Variants in FSHR observed in about 807,000 individuals in gnomAD.
FSHR encodes follicle stimulating hormone receptor, also known as follicle-stimulating hormone receptor.
A neutral mutation model predicts 52.1 loss-of-function variants in FSHR; 46 were observed. That is an observed-to-expected ratio of 0.88 (90% confidence interval 0.70 to 1.13). The LOEUF is 1.13. Among genes scored for constraint, FSHR ranks in the 50% most tolerant of loss-of-function variants. The pLI is 0.00. For missense variants in FSHR, 964 were observed against 834.6 expected, an observed-to-expected ratio of 1.16 and a Z score of -1.91; for synonymous variants, 399 against 309.6, an observed-to-expected ratio of 1.29 and a Z score of -3.03.
intron 1 of FSHR, among the ~76,000 whole-genome samples, chr2:49,118,067 G>A (rs1671670244): frequency 1.3e-5 from 2 of 152,158 alleles, no homozygotes; most frequent in Admixed American, 6.5e-5. Context: ...AGGTGTAGCC[G>A]ATGGCTCTGA....
At chr2:48,965,160 C>T (rs1258557382) in intron 9 of FSHR, among the ~76,000 whole-genome samples, 1 of 151,996 alleles carries the variant, frequency 6.6e-6, no homozygotes, top group Non-Finnish European at 1.5e-5. Flanking sequence ...AAAAAGGTGG[C>T]TAGGGGAGTG....
At chr2:49,052,728 C>G (rs184962174) in intron 2 of FSHR, among the ~76,000 whole-genome samples, 8 of 152,186 alleles carry the variant, frequency 5.3e-5, no homozygotes, top group African/African-American at 1.7e-4. Flanking sequence ...CTCTCCTTTT[C>G]GCTTTGAGTA....
At chr2:49,006,454 CCTT>C (rs1667079747) in intron 4 of FSHR, among the ~76,000 whole-genome samples, 2 of 152,130 alleles carry the variant, frequency 1.3e-5, no homozygotes, top group Non-Finnish European at 1.5e-5. Context: ...TCAGTACACA[CCTT>C]CTTTTTAGTT....
intron 2 of FSHR, among the ~76,000 whole-genome samples, chr2:49,032,237 T>G (rs1668125732): frequency 6.6e-6 from 1 of 152,196 alleles, no homozygotes; most frequent in Non-Finnish European, 1.5e-5. Flanking sequence ...CACATTGCTT[T>G]TGCCTTTATC....
intron 2 of FSHR, among the ~76,000 whole-genome samples, chr2:49,040,628 C>G (rs923002475): frequency 6.6e-6 from 1 of 151,928 alleles, no homozygotes; most frequent in Non-Finnish European, 1.5e-5. Context: ...ACAGTGCAGG[C>G]AAGGGAATGG....
intron 4 of FSHR, among the ~76,000 whole-genome samples, chr2:49,016,598 A>G (rs1667497910): frequency 6.6e-6 from 1 of 152,096 alleles, no homozygotes; most frequent in South Asian, 2.1e-4. Flanking sequence ...TTAACAATAG[A>G]TGTATAAATG....
At chr2:49,053,823 G>A (rs544484612) in intron 2 of FSHR, among the ~76,000 whole-genome samples, 1 of 152,156 alleles carries the variant, frequency 6.6e-6, no homozygotes, top group African/African-American at 2.4e-5. Context: ...TTTAACAAGA[G>A]GATGGGAGTA....
At chr2:49,151,787 T>G (rs576873685) in intron 1 of FSHR, among the ~76,000 whole-genome samples, 33 of 152,158 alleles carry the variant, frequency 2.2e-4, no homozygotes, top group Non-Finnish European at 1.2e-4. Context: ...ATTTCATCCC[T>G]GTTCTGCCAT....
chr2:49,071,487 G>C (rs1231043385), intron 1 of FSHR, among the ~76,000 whole-genome samples: 1 of 152,064 alleles, frequency 6.6e-6, no homozygotes, highest in East Asian at 1.9e-4. Flanking sequence ...AATTAGCTAT[G>C]AATAAACTTC....
chr2:49,061,489 C>A (rs1353338117), intron 2 of FSHR, among the ~76,000 whole-genome samples: 1 of 146,902 alleles, frequency 6.8e-6, no homozygotes, highest in African/African-American at 2.5e-5. Context: ...ATAAAGGGAT[C>A]AATTCAGGAA....
intron 1 of FSHR, among the ~76,000 whole-genome samples, chr2:49,118,473 G>C (rs942610569): frequency 1.8e-4 from 28 of 152,184 alleles, no homozygotes; most frequent in Admixed American, 1.7e-3. Context: ...CCGGAGAGGT[G>C]TCATGTGAAG....
rs117253489 is a variant in FSHR, at chr2:49,042,348, G to A, written c.225-22188C>T. On this transcript the variant is annotated intron_variant, in intron 2 of 9. Transcript: ENST00000406846. Reference sequence around the variant, plus strand: ...CCAAACCAGACTAGATAACAATGGGGGAAGGAGAAGATTTTTGCATGCTAA... The same window carrying A: ...CCAAACCAGACTAGATAACAATGGGAGAAGGAGAAGATTTTTGCATGCTAA... Among the ~76,000 whole-genome samples, 234 of 152,238 alleles carry A rather than the reference G, an allele frequency of 1.5e-3. 5 individuals are homozygous for A. The East Asian group carries it at 0.04, about 26-fold the overall frequency.
intron 1 of FSHR, among the ~76,000 whole-genome samples, chr2:49,125,818 C>T (rs1008442547): frequency 6.6e-6 from 1 of 152,174 alleles, no homozygotes; most frequent in Non-Finnish European, 1.5e-5. Context: ...CACAGTCTTG[C>T]CACTAGCTGT....
intron 1 of FSHR, among the ~76,000 whole-genome samples, chr2:49,074,833 TTTAGCCATAGAATAAAATCC>T (rs1451366120): frequency 6.6e-6 from 1 of 152,146 alleles, no homozygotes; most frequent in African/African-American, 2.4e-5. Flanking sequence ...TGGAATACTA[TTTAGCCATAGAATAAAATCC>T]TTAGCCAAAG....
At chr2:49,136,096 T>TA (rs1176323690) in intron 1 of FSHR, among the ~76,000 whole-genome samples, 1 of 151,540 alleles carries the variant, frequency 6.6e-6, no homozygotes, top group Non-Finnish European at 1.5e-5. Context: ...TTGAAAAGAT[T>TA]AAAAAAAGAA....
rs541907385 is a variant in FSHR at position 48,970,009 on chromosome 2, A to T, written c.669-1126T>A. 2.6e-5 allele frequency among the ~76,000 whole-genome samples: 4 copies of T among 152,226 alleles called. No individual in the cohort carries two copies. In the East Asian group the frequency reaches 7.7e-4, roughly 29 times the overall value. On this transcript the variant is annotated intron_variant, in intron 8 of 9. Transcript: ENST00000406846. ...TGAGTTCATTTTAGCATCCTTGGGG[A>T]CCCTTGGATATACTTGAGTAAGAAG...
chr2:49,073,169 T>G (rs1031939599), intron 1 of FSHR, among the ~76,000 whole-genome samples: 6 of 152,176 alleles, frequency 3.9e-5, no homozygotes, highest in African/African-American at 1.4e-4. Flanking sequence ...TGCCCACTCT[T>G]ACCACTTTTA....
chr2:49,057,649 G>A (rs958330812), intron 2 of FSHR, among the ~76,000 whole-genome samples: 1 of 152,138 alleles, frequency 6.6e-6, no homozygotes, highest in Non-Finnish European at 1.5e-5. Flanking sequence ...GAAAATTGAA[G>A]CAGAAGGAAC....
chr2:48,973,789 A>G (rs1328412108), intron 8 of FSHR, among the ~76,000 whole-genome samples: 1 of 152,230 alleles, frequency 6.6e-6, no homozygotes, highest in African/African-American at 2.4e-5. Flanking sequence ...AAGGAAATAG[A>G]CAGATCACCC....
Sources: gnomAD v4.1 joint callset for allele counts (sites outside exome capture counted in the v4.1 genomes callset) on GRCh38, gnomAD v4.1.1 for gene constraint, MANE v1.5 for transcripts, NCBI Gene and HGNC (gene_info 2026-07-23, HGNC 2026-07-21) for gene names.